The following ADIPOR2 variants were observed in gnomAD, a reference collection of about 807,000 sequenced individuals.
The protein encoded by ADIPOR2 is adiponectin receptor 2, also known as adiponectin receptor protein 2.
ADIPOR2 carries 18 observed loss-of-function variants against 40.9 expected under a neutral mutation model. That is an observed-to-expected ratio of 0.44 (90% CI 0.30 to 0.65). ADIPOR2 has a LOEUF of 0.65. Ranked by LOEUF, ADIPOR2 falls within the 30% of genes least tolerant of loss-of-function variation. The pLI, the probability that ADIPOR2 is intolerant of heterozygous loss-of-function variation, is 0.09. For synonymous variants in ADIPOR2, 165 were observed against 166.4 expected, an observed-to-expected ratio of 0.99 and a Z score of 0.06; for missense variants, 283 against 479.2, an observed-to-expected ratio of 0.59 and a Z score of 3.82.
At position 1,786,755 on chromosome 12, in the gene ADIPOR2, T is replaced by C. The variant is rs1026337775; in HGVS notation, c.*683T>C. 3.3e-5 allele frequency: 5 copies of C among 152,608 alleles called. No individual in the cohort carries two copies. Among genetic ancestry groups the C allele is most frequent in the African/African-American group, 1.2e-4 (5 of 41,422 alleles). 9.5% of individuals were successfully genotyped at this position (152,608 alleles called of 1,614,324 possible). ...CCAAGATGCCTTCTAAAGGCTGACA[T>C]ACCTTGGACCCTAATGGGGCAGAGA... On this transcript the variant is annotated 3_prime_UTR_variant, in exon 8 of 8. Transcript: ENST00000357103.
At chr12:1,765,611 G>A (rs1244893441) in intron 2 of ADIPOR2, among the ~76,000 whole-genome samples, 1 of 152,144 alleles carries the variant, frequency 6.6e-6, no homozygotes, top group Non-Finnish European at 1.5e-5. Flanking sequence ...CTCCATAACT[G>A]TAGTAAGTCC....
chr12:1,695,172 C>T (rs962879969), intron 1 of ADIPOR2, among the ~76,000 whole-genome samples: 4 of 151,982 alleles, frequency 2.6e-5, no homozygotes, highest in African/African-American at 9.7e-5. Context: ...TGAGCCACTG[C>T]ACTTGGCCGA....
intron 4 of ADIPOR2, among the ~76,000 whole-genome samples, chr12:1,778,902 T>C (rs1193498899): frequency 6.6e-5 from 10 of 151,990 alleles, no homozygotes; most frequent in Non-Finnish European, 1.2e-4. Context: ...AAATGGCCAA[T>C]AAGCACATGA....
At chr12:1,702,037 G>A (rs959088269) in intron 1 of ADIPOR2, among the ~76,000 whole-genome samples, 2 of 152,064 alleles carry the variant, frequency 1.3e-5, no homozygotes, top group African/African-American at 2.4e-5. Context: ...CAGGAGAATC[G>A]CTTGAACCTG....
intron 1 of ADIPOR2, among the ~76,000 whole-genome samples, chr12:1,729,617 G>GTTTTTTTTTTTTTTTTTTTTTTTTTTT (rs56921758): frequency 1.1e-5 from 1 of 88,986 alleles, no homozygotes; most frequent in East Asian, 3.4e-4. Context: ...TCAGCCAGTT[G>GTTTTTTTTTTTTTTTTTTTTTTTTTTT]TTTTTTTTTT....
intron 1 of ADIPOR2, among the ~76,000 whole-genome samples, chr12:1,708,880 C>T (rs1330926512): frequency 5.3e-5 from 8 of 151,938 alleles, no homozygotes; most frequent in South Asian, 4.1e-4. Flanking sequence ...CCACCACGCC[C>T]GGCTAATTTT....
chr12:1,757,484 T>A, intron 2 of ADIPOR2: 3 of 737,614 alleles, frequency 4.1e-6, no homozygotes, highest in Non-Finnish European at 7.5e-6. Flanking sequence ...TCACCATGCA[T>A]AGGTTACCAT....
At chr12:1,779,643 T>C (rs1364504869) in intron 4 of ADIPOR2, among the ~76,000 whole-genome samples, 1 of 152,200 alleles carries the variant, frequency 6.6e-6, no homozygotes, top group African/African-American at 2.4e-5. Flanking sequence ...CTCCATTTGA[T>C]TTGCATTTCT....
At chr12:1,750,896 C>CT (rs942846742) in intron 1 of ADIPOR2, among the ~76,000 whole-genome samples, 4 of 151,896 alleles carry the variant, frequency 2.6e-5, no homozygotes, top group African/African-American at 7.2e-5. Context: ...TACAGTTTAC[C>CT]TTTTTTTCCC....
At chr12:1,759,623 A>G (rs1457421707) in intron 2 of ADIPOR2, among the ~76,000 whole-genome samples, 1 of 152,210 alleles carries the variant, frequency 6.6e-6, no homozygotes, top group Admixed American at 6.5e-5. Flanking sequence ...ATTGCCCTTT[A>G]TAGAAAACTA....
rs11061960 is a variant in ADIPOR2, at chr12:1,743,709, T to C, written c.-86-10549T>C. ...AACCCATACAACTCAAATTTCCAGG[T>C]ACTGTTATTAATATGAGTTATCTTG... On this transcript the variant is annotated intron_variant, in intron 1 of 7. Transcript: ENST00000357103. Among the ~76,000 whole-genome samples, 1,421 of 152,272 alleles carry C rather than the reference T, an allele frequency of 9.3e-3. 32 individuals carry two copies. Among genetic ancestry groups the C allele is most frequent in the African/African-American group, 0.033 (1,363 of 41,538 alleles).
At chr12:1,698,212 G>A (rs1051360273) in intron 1 of ADIPOR2, among the ~76,000 whole-genome samples, 2 of 128,640 alleles carry the variant, frequency 1.6e-5, no homozygotes, top group African/African-American at 5.5e-5. Context: ...CTGATTGTGT[G>A]TGTGTGTGTG....
chr12:1,782,769 A>G (rs1448196976), intron 6 of ADIPOR2, among the ~76,000 whole-genome samples: 1 of 152,124 alleles, frequency 6.6e-6, no homozygotes, highest in Admixed American at 6.5e-5. Context: ...GTAAGGCAGT[A>G]GGGCTGTGGC....
Position 1,786,809 on chromosome 12 carries a change from C to T in ADIPOR2, c.*737C>T, listed in dbSNP as rs1305371412. The T allele has an allele frequency of 2.6e-5, 4 of 152,510 alleles. 1 individual carries two copies. Among genetic ancestry groups the T allele is most frequent in the Middle Eastern group, 3.4e-3 (1 of 294 alleles). The allele number at this position is 152,510 out of a possible 1,614,324, so 9.4% of individuals were successfully genotyped here. A position where few individuals can be genotyped will look rare whatever the true frequency, so the allele number is the denominator to read the frequency against. On this transcript the variant is annotated 3_prime_UTR_variant, in exon 8 of 8. Transcript: ENST00000357103. ...TAGCCCTAGCCCAGTGGTGACATGA[C>T]CACTCCCTTTGGGAGGCCTGAGGTA...
chr12:1,729,425 T>C (rs2094714951), intron 1 of ADIPOR2, among the ~76,000 whole-genome samples: 1 of 151,786 alleles, frequency 6.6e-6, no homozygotes, highest in South Asian at 2.1e-4. Context: ...AAGGGATATA[T>C]CTTATATTAT....
intron 2 of ADIPOR2, among the ~76,000 whole-genome samples, chr12:1,762,023 C>T (rs894806746): frequency 1.3e-5 from 2 of 152,224 alleles, no homozygotes; most frequent in Non-Finnish European, 2.9e-5. Context: ...GGACATTCTT[C>T]TCCATGTTCA....
intron 1 of ADIPOR2, among the ~76,000 whole-genome samples, chr12:1,734,570 A>G (rs2154442678): frequency 6.6e-6 from 1 of 152,042 alleles, no homozygotes; most frequent in Non-Finnish European, 1.5e-5. Context: ...TTGCCTGTTC[A>G]CTCTGATGGT....
rs1045163139 is a variant in ADIPOR2 at position 1,757,478 on chromosome 12, C to T, written c.171+2964C>T. ...TTCCCAGGTTAGCACCTACAGTCAC[C>T]ATGCATAGGTTACCATTGTCAAACT... On this transcript the variant is annotated intron_variant, in intron 2 of 7. Transcript: ENST00000357103. The T allele has an allele frequency of 1.8e-5, 13 of 730,652 alleles. No individual in the cohort carries two copies. The African/African-American group carries it at 1.9e-4, about 11-fold the overall frequency. The allele number at this position is 730,652 out of a possible 1,614,324, so 45.3% of individuals were successfully genotyped here. A position where few individuals can be genotyped will look rare whatever the true frequency, so the allele number is the denominator to read the frequency against.
At chr12:1,703,704 G>T (rs964636547) in intron 1 of ADIPOR2, among the ~76,000 whole-genome samples, 8 of 151,854 alleles carry the variant, frequency 5.3e-5, no homozygotes, top group Non-Finnish European at 8.8e-5. Context: ...GTGACAGAGT[G>T]AAACTCTGTC....
Sources: allele counts gnomAD v4.1 joint callset (sites outside exome capture counted in the v4.1 genomes callset), GRCh38; gene constraint gnomAD v4.1.1; transcripts MANE v1.5; gene names NCBI Gene and HGNC (gene_info 2026-07-23, HGNC 2026-07-21).